Variants in FARP1 observed in about 807,000 individuals in gnomAD.
FARP1 encodes the protein FERM, ARHGEF and pleckstrin domain-containing protein 1.
FARP1 carries 52 observed loss-of-function variants against 128.8 expected under a neutral mutation model. That is an observed-to-expected ratio of 0.40 (90% CI 0.32 to 0.51). The LOEUF is 0.51. Among genes scored for constraint, FARP1 ranks in the 20% least tolerant of loss-of-function variants. The pLI is 0.45. For missense variants in FARP1, 1,333 were observed against 1,367.9 expected (o/e 0.97, Z 0.40); for synonymous variants, 580 against 551.8 (o/e 1.05, Z -0.72).
At chr13:98,373,398 C>G (rs1200465078) in intron 5 of FARP1, among the ~76,000 whole-genome samples, 1 of 152,148 alleles carries the variant, frequency 6.6e-6, no homozygotes, top group Non-Finnish European at 1.5e-5. Flanking sequence ...ATTTGTAGCT[C>G]TACAAAGTGT....
At chr13:98,365,555 A>AAC in intron 4 of FARP1, 118 bp downstream of exon 4, 1 of 641,086 alleles carries the variant, frequency 1.6e-6, no homozygotes, top group South Asian at 2.7e-5. Context: ...TCTACCCCAT[A>AAC]ATTGCTTTTC....
intron 1 of FARP1, among the ~76,000 whole-genome samples, chr13:98,156,484 T>C (rs1345775064): frequency 1.3e-5 from 2 of 152,216 alleles, no homozygotes; most frequent in African/African-American, 4.8e-5. Flanking sequence ...TCATAGCTCA[T>C]TGCAGCCTTG....
At chr13:98,431,351 C>A in intron 18 of FARP1, 71 bp downstream of exon 18, 1 of 1,117,894 alleles carries the variant, frequency 8.9e-7, no homozygotes, top group South Asian at 1.5e-5. Flanking sequence ...AGACTGAGCC[C>A]AGCCAGGGAG....
chr13:98,318,476 G>A (rs570927197), intron 2 of FARP1, among the ~76,000 whole-genome samples: 6 of 152,286 alleles, frequency 3.9e-5, no homozygotes, highest in Admixed American at 2.0e-4. Flanking sequence ...TTAGGACTTC[G>A]ACCTGTAAAT....
chr13:98,388,344 A>G (rs769994959), intron 8 of FARP1, 39 bp from the exon 9 acceptor site: 3 of 1,487,250 alleles, frequency 2.0e-6, no homozygotes, highest in Non-Finnish European at 2.8e-6. Context: ...GTTGCTTGTT[A>G]TGCATTTCCT....
At chr13:98,371,528 T>C (rs1415132073) in intron 5 of FARP1, among the ~76,000 whole-genome samples, 1 of 151,998 alleles carries the variant, frequency 6.6e-6, no homozygotes, top group Non-Finnish European at 1.5e-5. Flanking sequence ...TTTTGGCTCA[T>C]TGTTGAATAA....
At chr13:98,261,249 A>G (rs1883866105) in intron 2 of FARP1, among the ~76,000 whole-genome samples, 1 of 152,196 alleles carries the variant, frequency 6.6e-6, no homozygotes, top group Admixed American at 6.5e-5. Context: ...GCTCCCACAG[A>G]GAAGTGCTGG....
chr13:98,442,959 AC>A (rs1267610778), intron 24 of FARP1, among the ~76,000 whole-genome samples: 1 of 152,128 alleles, frequency 6.6e-6, no homozygotes, highest in Non-Finnish European at 1.5e-5. Context: ...GGCAGCAAAT[AC>A]CCAAGTGGGG....
chr13:98,365,244 C>T (rs145239448), intron 3 of FARP1, 151 bp from the exon 4 acceptor site: 111 of 581,026 alleles, frequency 1.9e-4, no homozygotes, highest in East Asian at 1.9e-3. Context: ...TGGTAGACAA[C>T]GTAAGATACG....
intron 2 of FARP1, among the ~76,000 whole-genome samples, chr13:98,274,453 A>G (rs1195758057): frequency 6.6e-6 from 1 of 152,172 alleles, no homozygotes; most frequent in African/African-American, 2.4e-5. Flanking sequence ...TCATTGATTA[A>G]TGGCAACAAC....
chr13:98,177,046 G>C, intron 1 of FARP1: 1 of 1,593,746 alleles, frequency 6.3e-7, no homozygotes, highest in Non-Finnish European at 8.5e-7. Flanking sequence ...CCGGGGCCTC[G>C]GTGCCACCCG....
At chr13:98,180,465 A>G (rs1321585108) in intron 1 of FARP1, among the ~76,000 whole-genome samples, 1 of 152,174 alleles carries the variant, frequency 6.6e-6, no homozygotes, top group African/African-American at 2.4e-5. Context: ...TCCAAACCGT[A>G]TCAGAAAATT....
At chr13:98,268,236 T>TC (rs1884220605) in intron 2 of FARP1, among the ~76,000 whole-genome samples, 1 of 152,206 alleles carries the variant, frequency 6.6e-6, no homozygotes, top group Non-Finnish European at 1.5e-5. Flanking sequence ...GTGGGGGCTC[T>TC]TGTGCCACAG....
At chr13:98,149,494 T>G (rs1875819232) in intron 1 of FARP1, among the ~76,000 whole-genome samples, 1 of 152,184 alleles carries the variant, frequency 6.6e-6, no homozygotes, top group Non-Finnish European at 1.5e-5. Context: ...AACTTTATAA[T>G]AAGCTATTTG....
At chr13:98,437,100 A>G (rs1381576147) in intron 19 of FARP1, among the ~76,000 whole-genome samples, 2 of 152,178 alleles carry the variant, frequency 1.3e-5, no homozygotes, top group Admixed American at 6.5e-5. Context: ...ATGACATAAT[A>G]CATATTAATT....
intron 2 of FARP1, among the ~76,000 whole-genome samples, chr13:98,269,644 T>C (rs552601283): frequency 1.3e-5 from 2 of 152,338 alleles, no homozygotes; most frequent in African/African-American, 2.4e-5. Flanking sequence ...ATATTTAGCT[T>C]TCAGTGACTG....
chr13:98,358,070 T>G (rs1888710830), intron 3 of FARP1, among the ~76,000 whole-genome samples: 1 of 151,338 alleles, frequency 6.6e-6, no homozygotes, highest in Non-Finnish European at 1.5e-5. Flanking sequence ...AATACATTTC[T>G]GTTTTTTTTT....
chr13:98,208,838 G>A (rs9556906), intron 1 of FARP1, among the ~76,000 whole-genome samples: 33,863 of 150,528 alleles, frequency 0.22, 5,609 homozygotes, highest in East Asian at 0.67. Context: ...TATGGTGACA[G>A]CATTAGAGGT....
chr13:98,371,572 A>C (rs532061938), intron 5 of FARP1, among the ~76,000 whole-genome samples: 11 of 150,934 alleles, frequency 7.3e-5, no homozygotes, highest in Middle Eastern at 3.4e-3. Flanking sequence ...TTTTTTTATC[A>C]TCTCTCCATC....
Sources: allele counts gnomAD v4.1 joint callset (sites outside exome capture counted in the v4.1 genomes callset), GRCh38; gene constraint gnomAD v4.1.1; transcripts MANE v1.5; gene names NCBI Gene and HGNC (gene_info 2026-07-23, HGNC 2026-07-21).